ZBTB20: variants seen among roughly 807,000 people sequenced by gnomAD.
The protein encoded by ZBTB20 is zinc finger and BTB domain containing 20.
A neutral mutation model predicts 56.9 loss-of-function variants in ZBTB20; 9 were observed. The observed-to-expected ratio is 0.16, with a 90% CI of 0.10 to 0.28. ZBTB20 has a LOEUF of 0.28. Ranked by LOEUF, ZBTB20 falls within the 10% of genes least tolerant of loss-of-function variation. The probability of loss-of-function intolerance (pLI) is 1.00; values close to 1 mark genes in which losing one functional copy is unlikely to be tolerated. For synonymous variants in ZBTB20, 417 were observed against 420.7 expected, an observed-to-expected ratio of 0.99 and a Z score of 0.11; for missense variants, 655 against 1,003.0, an observed-to-expected ratio of 0.65 and a Z score of 4.69.
chr3:114,520,449 A>G (rs1173520046), intron 6 of ZBTB20, among the ~76,000 whole-genome samples: 1 of 152,174 alleles, frequency 6.6e-6, no homozygotes, highest in Non-Finnish European at 1.5e-5. Flanking sequence ...ATCAAGGTAT[A>G]CCTGCAATGT....
intron 7 of ZBTB20, among the ~76,000 whole-genome samples, chr3:114,463,711 A>G (rs1018018301): frequency 6.6e-6 from 1 of 152,224 alleles, no homozygotes; most frequent in African/African-American, 2.4e-5. Flanking sequence ...TAACAAAGCT[A>G]CTGTGCATTA....
intron 1 of ZBTB20, among the ~76,000 whole-genome samples, chr3:115,142,892 A>T (rs553548975): frequency 6.6e-6 from 1 of 152,158 alleles, no homozygotes; most frequent in African/African-American, 2.4e-5. Flanking sequence ...AGCGTGACAA[A>T]CCCTCCACGG....
intron 7 of ZBTB20, among the ~76,000 whole-genome samples, chr3:114,499,389 T>C (rs1014049616): frequency 2.0e-5 from 3 of 152,148 alleles, no homozygotes; most frequent in Admixed American, 1.3e-4. Context: ...ATAAACAAAA[T>C]AGCCATGGGA....
At chr3:114,875,235 AAAG>A (rs1445414960) in intron 4 of ZBTB20, among the ~76,000 whole-genome samples, 2 of 152,166 alleles carry the variant, frequency 1.3e-5, no homozygotes. Flanking sequence ...GCATAATTAA[AAAG>A]AAATAATAAT....
chr3:114,371,374 C>T (rs186630628), intron 10 of ZBTB20, among the ~76,000 whole-genome samples: 6 of 152,286 alleles, frequency 3.9e-5, no homozygotes, highest in African/African-American at 9.6e-5. Flanking sequence ...ATGGAACTCA[C>T]TGTAGTGACA....
chr3:114,609,752 G>A (rs977933022), intron 6 of ZBTB20, among the ~76,000 whole-genome samples: 3 of 152,170 alleles, frequency 2.0e-5, no homozygotes, highest in East Asian at 1.9e-4. Flanking sequence ...AAATACAGCC[G>A]GAAATACACC....
intron 3 of ZBTB20, among the ~76,000 whole-genome samples, chr3:114,903,084 G>C (rs182395186): frequency 2.6e-5 from 4 of 152,246 alleles, no homozygotes; most frequent in African/African-American, 9.6e-5. Context: ...TGTGTGATCA[G>C]TGATCCATAG....
chr3:114,339,626 G>A lies in ZBTB20; in HGVS notation c.1805-200C>T, dbSNP rs371438169. 1.4e-4 allele frequency among the ~76,000 whole-genome samples: 21 copies of A among 152,328 alleles called. No individual in the cohort carries two copies. In the South Asian group the frequency reaches 4.1e-3, roughly 30 times the overall value. On this transcript the variant is annotated intron_variant, in intron 11 of 11. Transcript: ENST00000675478. This position sits in a 1 kb window ranked among gnomAD's most constrained non-coding sequence, Gnocchi z 4.2. ...CATGTGCAGAGAAATTTTGCTTTATGGTGATGCCAGGACAGTTTTGTTTTC... is the reference window on the plus strand; with the variant it reads ...CATGTGCAGAGAAATTTTGCTTTATAGTGATGCCAGGACAGTTTTGTTTTC...
intron 4 of ZBTB20, among the ~76,000 whole-genome samples, chr3:114,803,037 C>T (rs1222938668): frequency 6.6e-6 from 1 of 151,414 alleles, no homozygotes; most frequent in Non-Finnish European, 1.5e-5. Flanking sequence ...TTTTCATTCC[C>T]CCCCCATGCC....
intron 5 of ZBTB20, among the ~76,000 whole-genome samples, chr3:114,784,915 A>G (rs2108785100): frequency 6.6e-6 from 1 of 152,338 alleles, no homozygotes; most frequent in Non-Finnish European, 1.5e-5. Context: ...TGCAAAGCAC[A>G]CTGTAATTAT....
intron 6 of ZBTB20, among the ~76,000 whole-genome samples, chr3:114,677,578 C>T (rs148988872): frequency 1.3e-5 from 2 of 152,246 alleles, no homozygotes; most frequent in East Asian, 1.9e-4. Flanking sequence ...CACCTCCAGT[C>T]CATGGAAACA....
At chr3:114,976,373 C>T (rs1174014804) in intron 2 of ZBTB20, among the ~76,000 whole-genome samples, 1 of 152,072 alleles carries the variant, frequency 6.6e-6, no homozygotes, top group Non-Finnish European at 1.5e-5. Flanking sequence ...CACCTGTAAT[C>T]CCAGCAGTTC....
Position 114,338,946 on chromosome 3 carries a change from G to C in ZBTB20, c.*59C>G. ...TAAATTCTAGTGCCATAGCTTTTTTGTTTGTTTGTTTTTTGTTGTTGTTTT... is the reference window on the plus strand; with the variant it reads ...TAAATTCTAGTGCCATAGCTTTTTTCTTTGTTTGTTTTTTGTTGTTGTTTT... On this transcript the variant is annotated 3_prime_UTR_variant, in exon 12 of 12. Coordinates refer to ENST00000675478, the MANE Select transcript of ZBTB20 (RefSeq NM_001348800.3). The C allele has an allele frequency of 6.9e-7, 1 of 1,445,412 alleles. No homozygotes were observed. The highest frequency in any genetic ancestry group is 9.2e-7 in the Non-Finnish European group (1 of 1,090,396). The allele number at this position is 1,445,412 out of a possible 1,614,324, so 89.5% of individuals were successfully genotyped here.
At chr3:114,686,836 T>TTCCC (rs2062371372) in intron 6 of ZBTB20, among the ~76,000 whole-genome samples, 3 of 152,120 alleles carry the variant, frequency 2.0e-5, no homozygotes, top group Non-Finnish European at 4.4e-5. Flanking sequence ...ACTTCCTTCC[T>TTCCC]TCCCTCCCTA....
chr3:114,811,763 A>T (rs1172986445), intron 4 of ZBTB20, among the ~76,000 whole-genome samples: 1 of 152,218 alleles, frequency 6.6e-6, no homozygotes, highest in African/African-American at 2.4e-5. Flanking sequence ...AATCTAATCC[A>T]TGAAACAAAA....
rs1046115613 is a variant in ZBTB20, at chr3:114,350,442, C to A, written c.1636G>T (p.Gly546Cys). 1.9e-6 allele frequency: 3 copies of A among 1,614,022 alleles called. No homozygotes were observed. Among genetic ancestry groups the A allele is most frequent in the African/African-American group, 2.7e-5 (2 of 74,912 alleles). ...AGCTGTGCAGTAAAGGTCGACAGAC[C>A]GGGCTGGGACACTGTCACAAACTGG... is the stretch of plus-strand genomic sequence containing the variant. Reference protein sequence around the residue: ...QTQFVTVSQPGLSTFTAQLPA... With the variant: ...QTQFVTVSQPCLSTFTAQLPA... Residue 546 changes from glycine to cysteine, a missense_variant, in exon 11 of 12, where the codon GGT becomes TGT. Transcript: ENST00000675478.
chr3:114,577,272 AG>A (rs2054180640), intron 6 of ZBTB20, among the ~76,000 whole-genome samples: 1 of 151,928 alleles, frequency 6.6e-6, no homozygotes, highest in Non-Finnish European at 1.5e-5. Flanking sequence ...TTAAAAAAAA[AG>A]AAAAAAATAG....
intron 2 of ZBTB20, among the ~76,000 whole-genome samples, chr3:114,986,935 T>C (rs1050234700): frequency 2.0e-5 from 3 of 152,154 alleles, no homozygotes; most frequent in African/African-American, 7.2e-5. Context: ...CTAATCATGA[T>C]AACCAATAAA....
chr3:114,957,641 T>C (rs1272135487), intron 3 of ZBTB20, among the ~76,000 whole-genome samples: 1 of 152,230 alleles, frequency 6.6e-6, no homozygotes, highest in African/African-American at 2.4e-5. Context: ...ACATCATATC[T>C]TTCCCCTATC....
Sources: gnomAD v4.1 joint callset for allele counts (sites outside exome capture counted in the v4.1 genomes callset) on GRCh38, gnomAD v4.1.1 for gene constraint, Gnocchi (gnomAD v3.1) non-coding constraint, MANE v1.5 for transcripts, NCBI Gene and HGNC (gene_info 2026-07-23, HGNC 2026-07-21) for gene names.